The following CERS3 variants were observed in gnomAD, a reference collection of about 807,000 sequenced individuals.
CERS3 encodes LAG1 homolog, ceramide synthase 3.
A neutral mutation model predicts 50.3 loss-of-function variants in CERS3; 33 were observed. The observed-to-expected ratio is 0.66, with a 90% confidence interval of 0.50 to 0.88. The LOEUF is 0.88. Ranked by LOEUF, CERS3 falls within the 40% of genes least tolerant of loss-of-function variation. CERS3 has a pLI of 0.00. For missense variants in CERS3, 470 were observed against 460.3 expected (o/e 1.02, Z -0.19); for synonymous variants, 176 against 155.2 (o/e 1.13, Z -0.99).
At chr15:100,497,168 A>G (rs2035839833) in intron 3 of CERS3, among the ~76,000 whole-genome samples, 1 of 147,592 alleles carries the variant, frequency 6.8e-6, no homozygotes, top group Admixed American at 6.6e-5. Flanking sequence ...AACACGACAG[A>G]GAGGGGAATG....
At chr15:100,458,025 A>C (rs890172783) in intron 10 of CERS3, among the ~76,000 whole-genome samples, 1 of 152,188 alleles carries the variant, frequency 6.6e-6, no homozygotes, top group African/African-American at 2.4e-5. Context: ...TACATTAAAG[A>C]TATTAAAATT....
chr15:100,449,795 G>C (rs1461942981), intron 11 of CERS3, among the ~76,000 whole-genome samples: 3 of 152,198 alleles, frequency 2.0e-5, no homozygotes. Context: ...TGTTATACCA[G>C]ATGTGTAGAT....
At chr15:100,520,986 A>G (rs971085996) in intron 2 of CERS3, among the ~76,000 whole-genome samples, 1 of 152,180 alleles carries the variant, frequency 6.6e-6, no homozygotes, top group African/African-American at 2.4e-5. Flanking sequence ...CACAGCTTAC[A>G]ATGTTGCACC....
chr15:100,455,619 AAC>A (rs1360020218), intron 11 of CERS3, among the ~76,000 whole-genome samples: 1 of 152,200 alleles, frequency 6.6e-6, no homozygotes, highest in Non-Finnish European at 1.5e-5. Context: ...CAAGCATAAA[AAC>A]AAGCAGCAAT....
At chr15:100,440,072 A>T (rs2033611506) in intron 11 of CERS3, among the ~76,000 whole-genome samples, 1 of 152,216 alleles carries the variant, frequency 6.6e-6, no homozygotes. Context: ...CTCACCAGTT[A>T]ATAAGGGAAC....
chr15:100,489,208 T>C (rs998601737), intron 4 of CERS3, among the ~76,000 whole-genome samples: 4 of 152,204 alleles, frequency 2.6e-5, no homozygotes, highest in African/African-American at 7.2e-5. Flanking sequence ...TAACATTCCA[T>C]TTACAGATAA....
Position 100,402,734 on chromosome 15 carries a change from G to A in CERS3, c.1131C>T (p.Pro377=). ...CCAGCTAATGGCCATGCTGGCCATT[G>A]GGAATGAGGTGCCTCTCAGCCCTGA... The part of the protein sequence containing the change: ...NGLRAERHLI[P]NGQHGH Residue 377 remains proline, a synonymous_variant, in exon 12 of 12, where the codon CCC becomes CCT. Coordinates refer to ENST00000679737, the MANE Select transcript of CERS3 (RefSeq NM_001378789.1). The A allele has an allele frequency of 5.6e-6, 9 of 1,614,082 alleles. No individual in the cohort carries two copies. In the Middle Eastern group the frequency reaches 6.6e-4, roughly 118 times the overall value.
chr15:100,542,818 TAC>T (rs201753265), intron 1 of CERS3, among the ~76,000 whole-genome samples: 1 of 150,998 alleles, frequency 6.6e-6, no homozygotes, highest in African/African-American at 2.5e-5. Context: ...TATATATATA[TAC>T]ACATGTATAT....
Position 100,402,822 on chromosome 15 carries a change from T to G in CERS3, c.1043A>C (p.Glu348Ala). The part of the protein sequence containing the change: ...VRSDDEDYEE[E>A]EEEEEEEATK... ...AGCCTCTTCTTCTTCCTCTTCCTCT[T>G]CCTCTTCATAATCCTCGTCATCACT... The change falls in exon 12 of 12, where the codon GAA becomes GCA. Residue 348 changes from glutamate to alanine, a missense_variant. Coordinates refer to ENST00000679737, the MANE Select transcript of CERS3 (RefSeq NM_001378789.1). 1 of 1,613,450 alleles carries G rather than the reference T, an allele frequency of 6.2e-7. No individual in the cohort carries two copies.
intron 5 of CERS3, 79 bp downstream of exon 5, chr15:100,484,471 C>T (rs1326969244): frequency 4.0e-5 from 39 of 982,820 alleles, no homozygotes; most frequent in South Asian, 1.1e-4. Flanking sequence ...TCTGCTGCTC[C>T]GGCAGTATTC....
intron 10 of CERS3, among the ~76,000 whole-genome samples, chr15:100,465,123 G>A (rs531897550): frequency 2.6e-5 from 4 of 152,018 alleles, no homozygotes; most frequent in East Asian, 1.9e-4. Context: ...CCGCCCTACC[G>A]TGTATATCAC....
At chr15:100,404,001 C>A (rs2030777763) in intron 11 of CERS3, among the ~76,000 whole-genome samples, 1 of 152,076 alleles carries the variant, frequency 6.6e-6, no homozygotes. Context: ...CACAAGTGGT[C>A]CTTATAAAAA....
chr15:100,498,838 A>G (rs368534512), intron 3 of CERS3, among the ~76,000 whole-genome samples: 14 of 152,250 alleles, frequency 9.2e-5, no homozygotes, highest in Non-Finnish European at 1.6e-4. Context: ...CCAGTTCCTA[A>G]GGATTCAGAG....
intron 11 of CERS3, among the ~76,000 whole-genome samples, chr15:100,415,505 G>T (rs532401759): frequency 7.2e-5 from 11 of 152,286 alleles, no homozygotes; most frequent in African/African-American, 2.6e-4. Context: ...TATGTTTATT[G>T]TAGCACTCTT....
At chr15:100,478,242 G>A (rs1238857942) in intron 7 of CERS3, among the ~76,000 whole-genome samples, 4 of 152,206 alleles carry the variant, frequency 2.6e-5, no homozygotes, top group Admixed American at 1.3e-4. Flanking sequence ...TTCAAAAGAT[G>A]TGTTTAATAG....
chr15:100,483,278 G>A (rs1014142508), intron 5 of CERS3, among the ~76,000 whole-genome samples: 2 of 152,134 alleles, frequency 1.3e-5, no homozygotes, highest in East Asian at 1.9e-4. Context: ...GGGGTGGCGC[G>A]ACAATAGATG....
At position 100,483,784 on chromosome 15, in the gene CERS3, A is replaced by ATTTTTTTTTT. The variant is rs1335617514; in HGVS notation, c.407+765_407+766insAAAAAAAAAA. 1.1e-3 allele frequency among the ~76,000 whole-genome samples: 98 copies of ATTTTTTTTTT among 89,410 alleles called. 4 individuals carry two copies. The East Asian group carries it at 0.012, about 11-fold the overall frequency. The allele number at this position is 89,410 out of a possible 152,430, so 58.7% of individuals were successfully genotyped here. ...ATCAATAATAATAATAATTATTATTATTATTTTTTTTTTTGAGACAGAGTC... is the reference window on the plus strand; with the variant it reads ...ATCAATAATAATAATAATTATTATTATTTTTTTTTTTTATTTTTTTTTTTGAGACAGAGTC... On this transcript the variant is annotated intron_variant, in intron 5 of 11. Transcript: ENST00000679737.
At chr15:100,534,232 C>G (rs1054638732) in intron 1 of CERS3, among the ~76,000 whole-genome samples, 5 of 152,260 alleles carry the variant, frequency 3.3e-5, no homozygotes, top group Admixed American at 6.5e-5. Context: ...CATTGCTAAC[C>G]CTCAATACCA....
chr15:100,542,830 T>C (rs2037233969), intron 1 of CERS3, among the ~76,000 whole-genome samples: 1 of 152,150 alleles, frequency 6.6e-6, no homozygotes, highest in Non-Finnish European at 1.5e-5. Context: ...CACATGTATA[T>C]AACTGAAACC....
Sources: gnomAD v4.1 joint callset for allele counts (sites outside exome capture counted in the v4.1 genomes callset) on GRCh38, gnomAD v4.1.1 for gene constraint, MANE v1.5 for transcripts, NCBI Gene and HGNC (gene_info 2026-07-23, HGNC 2026-07-21) for gene names.